Variants in PRELID2 observed in about 807,000 individuals in gnomAD.
PRELID2 encodes PRELI domain containing 2.
In PRELID2, 25 loss-of-function variants were observed where a neutral mutation model predicts 28.4. The ratio of observed to expected loss-of-function variants is 0.88; its 90% CI spans 0.64 to 1.23. The LOEUF is 1.23. Ranked by LOEUF, PRELID2 falls within the 50% of genes most tolerant of loss-of-function variation. PRELID2 has a pLI of 0.00. For missense variants in PRELID2, 201 were observed against 214.4 expected (o/e 0.94, Z 0.39); for synonymous variants, 76 against 71.6 (o/e 1.06, Z -0.31).
intron 4 of PRELID2, among the ~76,000 whole-genome samples, chr5:145,796,785 A>C (rs1752780931): frequency 6.6e-6 from 1 of 152,144 alleles, no homozygotes; most frequent in Non-Finnish European, 1.5e-5. Context: ...TCTTTTTAAA[A>C]TTGAGTCTGA....
chr5:145,424,695 C>T, the PRELID2 span, among the ~76,000 whole-genome samples: 382 of 152,268 alleles, frequency 2.5e-3, 2 homozygotes, highest in African/African-American at 8.5e-3. Context: ...GTGTCGCTCA[C>T]ACTGGGAGCT....
the PRELID2 span, among the ~76,000 whole-genome samples, chr5:145,447,832 T>C: frequency 2.2e-5 from 3 of 138,892 alleles, no homozygotes; most frequent in Admixed American, 1.5e-4. Context: ...TAGTATTCCA[T>C]GGTGTATATG....
At chr5:145,415,477 G>A in the PRELID2 span, among the ~76,000 whole-genome samples, 2 of 127,116 alleles carry the variant, frequency 1.6e-5, no homozygotes, top group Non-Finnish European at 3.1e-5. Flanking sequence ...TCCCCTTCCT[G>A]TGTCCATGTG....
intron 1 of PRELID2, among the ~76,000 whole-genome samples, chr5:145,676,390 T>A (rs998191104): frequency 6.6e-6 from 1 of 151,792 alleles, no homozygotes; most frequent in African/African-American, 2.4e-5. Flanking sequence ...ATACAAAAAA[T>A]TATCAAGGCT....
chr5:145,452,033 T>G, the PRELID2 span, among the ~76,000 whole-genome samples: 1 of 152,194 alleles, frequency 6.6e-6, no homozygotes, highest in South Asian at 2.1e-4. Context: ...GTTTTCTGAG[T>G]GTCCAATGAA....
chr5:145,391,909 C>T, the PRELID2 span, among the ~76,000 whole-genome samples: 18 of 152,132 alleles, frequency 1.2e-4, no homozygotes, highest in Non-Finnish European at 2.1e-4. Flanking sequence ...CCAAGAAGTT[C>T]CTCATCTCCA....
chr5:145,460,343 T>C, the PRELID2 span, among the ~76,000 whole-genome samples: 10 of 152,234 alleles, frequency 6.6e-5, no homozygotes, highest in Non-Finnish European at 1.5e-4. Context: ...AGTAGTAAGA[T>C]ATAGAACATG....
chr5:145,606,866 A>G (rs1008179647), intron 1 of PRELID2, among the ~76,000 whole-genome samples: 1 of 151,942 alleles, frequency 6.6e-6, no homozygotes, highest in African/African-American at 2.4e-5. Context: ...ATCTGGTAGA[A>G]TTTGGCTGCG....
the PRELID2 span, among the ~76,000 whole-genome samples, chr5:145,423,951 AACAG>A: frequency 6.6e-6 from 1 of 150,382 alleles, no homozygotes; most frequent in Non-Finnish European, 1.5e-5. Context: ...TTTTCCTTCT[AACAG>A]AGAGGACCCT....
At chr5:145,432,311 C>T in the PRELID2 span, among the ~76,000 whole-genome samples, 1 of 151,334 alleles carries the variant, frequency 6.6e-6, no homozygotes, top group East Asian at 1.9e-4. Context: ...TTTTTGTAAC[C>T]ACCCTTGAAG....
At chr5:145,277,084 T>G in the PRELID2 span, among the ~76,000 whole-genome samples, 1 of 152,044 alleles carries the variant, frequency 6.6e-6, no homozygotes, top group African/African-American at 2.4e-5. Flanking sequence ...GAGGGTACCT[T>G]CTCTGTGCCA....
intron 1 of PRELID2, among the ~76,000 whole-genome samples, chr5:145,621,934 T>C (rs911696796): frequency 6.6e-6 from 1 of 152,168 alleles, no homozygotes; most frequent in African/African-American, 2.4e-5. Context: ...TATTAAAATA[T>C]CACTTTGTAT....
intron 3 of PRELID2, among the ~76,000 whole-genome samples, chr5:145,819,109 A>T (rs1489915018): frequency 6.6e-6 from 1 of 152,204 alleles, no homozygotes; most frequent in African/African-American, 2.4e-5. Context: ...CACCATGATT[A>T]TGAGGCCTCC....
chr5:145,603,257 AAAAAG>A (rs1753424910), intron 1 of PRELID2, among the ~76,000 whole-genome samples: 2 of 152,136 alleles, frequency 1.3e-5, no homozygotes, highest in South Asian at 2.1e-4. Flanking sequence ...TAGAATAAAT[AAAAAG>A]AAAAGGACAT....
the PRELID2 span, among the ~76,000 whole-genome samples, chr5:145,464,752 G>C: frequency 6.6e-6 from 1 of 151,782 alleles, no homozygotes; most frequent in African/African-American, 2.4e-5. Flanking sequence ...ATTGGCAATT[G>C]GTTGGCATCT....
chr5:145,619,160 G>A (rs1333938483), intron 1 of PRELID2, among the ~76,000 whole-genome samples: 5 of 152,174 alleles, frequency 3.3e-5, no homozygotes, highest in African/African-American at 1.2e-4. Context: ...TGTGGAGTCT[G>A]CACACCAGAT....
intron 1 of PRELID2, among the ~76,000 whole-genome samples, chr5:145,538,193 C>T (rs1752718222): frequency 6.6e-6 from 1 of 151,746 alleles, no homozygotes; most frequent in Admixed American, 6.6e-5. Context: ...TTTCATTGTC[C>T]ACTATGTCCT....
chr5:145,442,288 T>A, the PRELID2 span, among the ~76,000 whole-genome samples: 1 of 152,072 alleles, frequency 6.6e-6, no homozygotes, highest in Admixed American at 6.6e-5. Context: ...CAAGACTTAT[T>A]TCTCTCATAC....
downstream of PRELID2, among the ~76,000 whole-genome samples, chr5:145,467,831 T>A (rs1314989863): frequency 2.0e-5 from 3 of 151,900 alleles, no homozygotes. Context: ...ATGCCATATA[T>A]GCTTTTTTAT....
Sources: gnomAD v4.1 joint callset for allele counts (sites outside exome capture counted in the v4.1 genomes callset) on GRCh38, gnomAD v4.1.1 for gene constraint, MANE v1.5 for transcripts, NCBI Gene and HGNC (gene_info 2026-07-23, HGNC 2026-07-21) for gene names.